UNC13C: variants seen among roughly 807,000 people sequenced by gnomAD.
UNC13C encodes unc-13 homolog C, also known as protein unc-13 homolog C.
Under a neutral mutation model 245.4 loss-of-function variants are expected in UNC13C, and 174 were observed. The observed-to-expected ratio is 0.71, with a 90% CI of 0.63 to 0.80. The LOEUF (loss-of-function observed/expected upper bound fraction) is 0.80. UNC13C is among the 30% of genes least tolerant of loss of function. UNC13C has a pLI of 0.00. For missense variants in UNC13C, 2,829 were observed against 2,602.9 expected (o/e 1.09, Z -1.89); for synonymous variants, 992 against 895.1 (o/e 1.11, Z -1.93).
At chr15:54,399,039 C>T (rs377721913) in intron 18 of UNC13C, among the ~76,000 whole-genome samples, 1 of 151,560 alleles carries the variant, frequency 6.6e-6, no homozygotes, top group South Asian at 2.1e-4. Context: ...GATATGAAAG[C>T]CTTGTATAAG....
At position 54,049,370 on chromosome 15, in the gene UNC13C, G is replaced by T. The variant is rs990646060; in HGVS notation, c.2983+33484G>T. On this transcript the variant is annotated intron_variant, in intron 2 of 32. Transcript: ENST00000260323. Reference sequence around the variant, plus strand: ...ACAAGAAGAAAATGTCTTTCTGCCTGCAGGATAAAACTAACAGTTCCTTCT... The same window carrying T: ...ACAAGAAGAAAATGTCTTTCTGCCTTCAGGATAAAACTAACAGTTCCTTCT... The T allele has an allele frequency of 5.8e-6, 3 of 514,404 alleles. No homozygotes were observed. The Admixed American group carries it at 6.5e-5, about 11-fold the overall frequency. 31.9% of individuals were successfully genotyped at this position (514,404 alleles called of 1,614,324 possible). A position where few individuals can be genotyped will look rare whatever the true frequency, so the allele number is the denominator to read the frequency against.
At chr15:54,164,643 C>T (rs1276042548) in intron 4 of UNC13C, among the ~76,000 whole-genome samples, 1 of 152,160 alleles carries the variant, frequency 6.6e-6, no homozygotes, top group Admixed American at 6.5e-5. Flanking sequence ...AGCCATCAGC[C>T]TCTGGCAGGG....
At chr15:54,579,461 A>G (rs1898106951) in intron 30 of UNC13C, among the ~76,000 whole-genome samples, 2 of 152,160 alleles carry the variant, frequency 1.3e-5, no homozygotes, top group Admixed American at 6.5e-5. Context: ...TAAACAGCCC[A>G]GTTAAACTTT....
rs776576709 is a variant in UNC13C at position 54,500,075 on chromosome 15, A to G, written c.5061-4A>G. The G allele has an allele frequency of 1.1e-5, 18 of 1,599,016 alleles. No individual in the cohort carries two copies. The highest frequency in any genetic ancestry group is 1.2e-5 in the Non-Finnish European group (14 of 1,173,768). On this transcript the variant is annotated splice_region_variant and splice_polypyrimidine_tract_variant and intron_variant, in intron 20 of 32. Transcript: ENST00000260323. Reference sequence around the variant, plus strand: ...TGGTATGTAACATTATTAATTTGTTATAGGTGGTTTGAACCTTTTGTCATG... The same window carrying G: ...TGGTATGTAACATTATTAATTTGTTGTAGGTGGTTTGAACCTTTTGTCATG...
chr15:53,933,041 T>C, the UNC13C span, among the ~76,000 whole-genome samples: 1 of 152,190 alleles, frequency 6.6e-6, no homozygotes, highest in East Asian at 1.9e-4. Context: ...CACTTTGATT[T>C]CATAAGTGAC....
intron 29 of UNC13C, among the ~76,000 whole-genome samples, chr15:54,561,240 T>C (rs1897286945): frequency 6.6e-6 from 1 of 151,794 alleles, no homozygotes; most frequent in Non-Finnish European, 1.5e-5. Flanking sequence ...TCTCCGGGAG[T>C]TTCTAGTCCA....
chr15:54,493,446 A>C (rs757678266), intron 19 of UNC13C, among the ~76,000 whole-genome samples: 4 of 151,592 alleles, frequency 2.6e-5, no homozygotes, highest in African/African-American at 4.9e-5. Context: ...TGAATTAATC[A>C]TTGTTCAGAT....
chr15:54,598,056 A>G (rs1009587170), intron 30 of UNC13C, among the ~76,000 whole-genome samples: 1 of 152,218 alleles, frequency 6.6e-6, no homozygotes, highest in African/African-American at 2.4e-5. Flanking sequence ...TTCCAGGCAT[A>G]TTGTAGAAGA....
intron 2 of UNC13C, chr15:54,049,282 G>T: frequency 1.9e-6 from 1 of 523,202 alleles, no homozygotes; most frequent in Non-Finnish European, 3.8e-6. Context: ...TCTCACTGCA[G>T]GAAATTTTGG....
intron 17 of UNC13C, among the ~76,000 whole-genome samples, chr15:54,390,711 C>T (rs1371890451): frequency 2.6e-5 from 4 of 151,936 alleles, no homozygotes; most frequent in Non-Finnish European, 4.4e-5. Flanking sequence ...ATTTCTACTA[C>T]AATAACCTTA....
chr15:54,603,782 T>C (rs944935430), intron 30 of UNC13C, among the ~76,000 whole-genome samples: 1 of 152,152 alleles, frequency 6.6e-6, no homozygotes, highest in African/African-American at 2.4e-5. Flanking sequence ...GAGAATCACT[T>C]GAAACGGGAG....
intron 19 of UNC13C, among the ~76,000 whole-genome samples, chr15:54,450,713 G>A (rs559137360): frequency 1.9e-4 from 29 of 152,300 alleles, no homozygotes; most frequent in African/African-American, 2.9e-4. Context: ...GACCCCTTGC[G>A]CTTCCCGGTT....
At chr15:54,198,189 T>A (rs973604020) in intron 4 of UNC13C, among the ~76,000 whole-genome samples, 1 of 152,124 alleles carries the variant, frequency 6.6e-6, no homozygotes, top group Non-Finnish European at 1.5e-5. Flanking sequence ...AAGGAGGGGC[T>A]GAGCTCAGAC....
intron 8 of UNC13C, among the ~76,000 whole-genome samples, chr15:54,261,075 A>G (rs1415325172): frequency 6.6e-6 from 1 of 152,188 alleles, no homozygotes; most frequent in Non-Finnish European, 1.5e-5. Context: ...AATTATTTTT[A>G]AAAGTATCAA....
At chr15:54,511,527 T>C (rs550166212) in intron 23 of UNC13C, among the ~76,000 whole-genome samples, 1 of 152,286 alleles carries the variant, frequency 6.6e-6, no homozygotes, top group Non-Finnish European at 1.5e-5. Context: ...TCCAATGGTT[T>C]ATTGTCTGAG....
chr15:54,184,784 G>A (rs2033918380), intron 4 of UNC13C, among the ~76,000 whole-genome samples: 1 of 152,166 alleles, frequency 6.6e-6, no homozygotes, highest in South Asian at 2.1e-4. Flanking sequence ...TATATACCCA[G>A]TAATGGGATG....
chr15:54,122,491 T>G (rs958192269), intron 2 of UNC13C, among the ~76,000 whole-genome samples: 1 of 152,082 alleles, frequency 6.6e-6, no homozygotes, highest in Non-Finnish European at 1.5e-5. Context: ...AGGTATAATC[T>G]CTCTGTATGT....
At chr15:54,633,341 C>T (rs1272010464), downstream of UNC13C, 1 of 152,146 alleles carries the variant, frequency 6.6e-6, no homozygotes, top group Non-Finnish European at 1.5e-5. Context: ...TTTCAGCATA[C>T]AAATCCTACC....
intron 25 of UNC13C, among the ~76,000 whole-genome samples, chr15:54,527,915 T>C (rs1895548307): frequency 6.6e-6 from 1 of 152,190 alleles, no homozygotes; most frequent in Admixed American, 6.5e-5. Flanking sequence ...TATTATACTG[T>C]CAGGGTAGAA....
Sources: allele counts gnomAD v4.1 joint callset (sites outside exome capture counted in the v4.1 genomes callset), GRCh38; gene constraint gnomAD v4.1.1; transcripts MANE v1.5; gene names NCBI Gene and HGNC (gene_info 2026-07-23, HGNC 2026-07-21).